Variants in NEDD4L observed in about 807,000 individuals in gnomAD.
NEDD4L encodes E3 ubiquitin-protein ligase NEDD4-like.
In NEDD4L, 54 loss-of-function variants were observed where a neutral mutation model predicts 148.9. That is an observed-to-expected ratio of 0.36 (90% CI 0.29 to 0.45). NEDD4L has a LOEUF of 0.45. Ranked by LOEUF, NEDD4L falls within the 20% of genes least tolerant of loss-of-function variation. The pLI, the probability that NEDD4L is intolerant of heterozygous loss-of-function variation, is 1.00. For synonymous variants in NEDD4L, 433 were observed against 440.7 expected (o/e 0.98, Z 0.22); for missense variants, 856 against 1,233.8 (o/e 0.69, Z 4.59).
chr18:58,363,958 C>A (rs1337670123), intron 19 of NEDD4L, among the ~76,000 whole-genome samples: 3 of 152,168 alleles, frequency 2.0e-5, no homozygotes, highest in African/African-American at 7.2e-5. Context: ...AACAGAAACA[C>A]CCTGACTCAT....
intron 1 of NEDD4L, among the ~76,000 whole-genome samples, chr18:58,109,572 G>GTTTTTTTTTTTTT (rs869167759): frequency 8.5e-6 from 1 of 117,644 alleles, no homozygotes; most frequent in Non-Finnish European, 1.7e-5. Context: ...TTTTTTTTTT[G>GTTTTTTTTTTTTT]TTTTTTTTTT....
chr18:58,220,572 C>T (rs576456477), intron 2 of NEDD4L, among the ~76,000 whole-genome samples: 1 of 152,294 alleles, frequency 6.6e-6, no homozygotes, highest in African/African-American at 2.4e-5. Context: ...AGCGTTTGAA[C>T]GCTGGGGGGA....
intron 8 of NEDD4L, among the ~76,000 whole-genome samples, chr18:58,323,636 C>T (rs1217153124): frequency 6.6e-6 from 1 of 152,206 alleles, no homozygotes; most frequent in Non-Finnish European, 1.5e-5. Flanking sequence ...CCTATTATTG[C>T]TATGGACTTG....
chr18:58,262,027 G>T (rs1319373543), intron 5 of NEDD4L, among the ~76,000 whole-genome samples: 1 of 152,038 alleles, frequency 6.6e-6, no homozygotes, highest in Non-Finnish European at 1.5e-5. Flanking sequence ...TGATTATTCG[G>T]ACAGGTTATC....
At chr18:58,363,253 A>ATT (rs1419322997) in intron 19 of NEDD4L, among the ~76,000 whole-genome samples, 1 of 152,182 alleles carries the variant, frequency 6.6e-6, no homozygotes, top group Non-Finnish European at 1.5e-5. Context: ...TCTGGTCAAG[A>ATT]TAAGTATGGT....
intron 19 of NEDD4L, 95 bp downstream of exon 19, chr18:58,357,347 C>A: frequency 9.2e-7 from 1 of 1,090,170 alleles, no homozygotes; most frequent in Non-Finnish European, 1.4e-6. Flanking sequence ...TGTCAAGGGA[C>A]AACGGTGATT....
chr18:58,077,670 T>A (rs2083239312), intron 1 of NEDD4L, among the ~76,000 whole-genome samples: 1 of 152,204 alleles, frequency 6.6e-6, no homozygotes, highest in Non-Finnish European at 1.5e-5. Flanking sequence ...CTTCTTGTGA[T>A]GCATCGGGTT....
At chr18:58,172,703 T>C (rs779181623) in intron 2 of NEDD4L, among the ~76,000 whole-genome samples, 1 of 152,218 alleles carries the variant, frequency 6.6e-6, no homozygotes, top group Admixed American at 6.5e-5. Context: ...CAATGTAATG[T>C]CATTAGATTC....
chr18:58,206,084 A>G (rs1421843693), intron 2 of NEDD4L, among the ~76,000 whole-genome samples: 1 of 152,170 alleles, frequency 6.6e-6, no homozygotes, highest in East Asian at 1.9e-4. Flanking sequence ...TGCGCTGGGT[A>G]CAGGATGCAC....
rs140164389 is a variant in NEDD4L at position 58,115,287 on chromosome 18, C to T, written c.49-50501C>T. ...CTGGTTCTGGGCCCACAGTAGGTGC[C>T]TTAGAATCATGCAGTCCAGTTGCCT... On this transcript the variant is annotated intron_variant, in intron 1 of 30. Transcript: ENST00000400345. Among the ~76,000 whole-genome samples the T allele has an allele frequency of 1.8e-3, 267 of 146,740 alleles. 3 individuals carry two copies. Among genetic ancestry groups the T allele is most frequent in the African/African-American group, 6.5e-3 (257 of 39,252 alleles).
At chr18:58,090,564 C>T (rs1056873539) in intron 1 of NEDD4L, among the ~76,000 whole-genome samples, 1 of 152,214 alleles carries the variant, frequency 6.6e-6, no homozygotes, top group African/African-American at 2.4e-5. Context: ...CTGCAACCTT[C>T]ACCTCCTGGT....
intron 2 of NEDD4L, among the ~76,000 whole-genome samples, chr18:58,196,748 A>G (rs1318966460): frequency 7.9e-6 from 1 of 125,948 alleles, no homozygotes; most frequent in African/African-American, 3.0e-5. Flanking sequence ...AACATCAGCC[A>G]CAGGTAATAC....
intron 24 of NEDD4L, among the ~76,000 whole-genome samples, chr18:58,380,724 G>A (rs922202333): frequency 6.6e-6 from 1 of 151,934 alleles, no homozygotes; most frequent in African/African-American, 2.4e-5. Context: ...CCCTCCCCTA[G>A]CCCTCCACCC....
chr18:58,049,219 G>A (rs948840286), intron 1 of NEDD4L, among the ~76,000 whole-genome samples: 1 of 152,194 alleles, frequency 6.6e-6, no homozygotes, highest in Non-Finnish European at 1.5e-5. Context: ...CTGTGTTTGA[G>A]GAAAGTGCTA....
At chr18:58,336,655 T>C (rs1259221764) in intron 13 of NEDD4L, among the ~76,000 whole-genome samples, 2 of 152,230 alleles carry the variant, frequency 1.3e-5, no homozygotes. Flanking sequence ...TGGATAACTT[T>C]ACGTATACAA....
chr18:58,182,270 C>T (rs1369636267), intron 2 of NEDD4L, among the ~76,000 whole-genome samples: 1 of 152,044 alleles, frequency 6.6e-6, no homozygotes, highest in Admixed American at 6.6e-5. Context: ...TGCATCTGCT[C>T]ATTTTGTAAT....
intron 10 of NEDD4L, among the ~76,000 whole-genome samples, chr18:58,329,960 T>G (rs2144666006): frequency 6.6e-6 from 1 of 152,342 alleles, no homozygotes; most frequent in South Asian, 2.1e-4. Context: ...ATATTTTTAT[T>G]GAGTCGCTTT....
intron 28 of NEDD4L, among the ~76,000 whole-genome samples, chr18:58,389,762 T>C (rs2049558341): frequency 6.6e-6 from 1 of 151,346 alleles, no homozygotes; most frequent in South Asian, 2.1e-4. Flanking sequence ...AAAACAGTTA[T>C]CCCCCAAAAA....
chr18:58,110,068 A>G (rs1472863945), intron 1 of NEDD4L, among the ~76,000 whole-genome samples: 1 of 150,058 alleles, frequency 6.7e-6, no homozygotes, highest in Non-Finnish European at 1.5e-5. Flanking sequence ...GGGCTGCCCT[A>G]CAGCAGCCCA....
Sources: allele counts gnomAD v4.1 joint callset (sites outside exome capture counted in the v4.1 genomes callset), GRCh38; gene constraint gnomAD v4.1.1; transcripts MANE v1.5; gene names NCBI Gene and HGNC (gene_info 2026-07-23, HGNC 2026-07-21).